Variants in MBD5 observed in about 807,000 individuals in gnomAD.
MBD5 encodes methyl-CpG binding domain protein 5, also known as methyl-CpG-binding domain protein 5.
MBD5 carries 13 observed loss-of-function variants against 117.3 expected under a neutral mutation model. The ratio of observed to expected loss-of-function variants is 0.11; its 90% CI spans 0.07 to 0.18. MBD5 has a LOEUF of 0.18. Ranked by LOEUF, MBD5 falls within the 10% of genes least tolerant of loss-of-function variation. The pLI is 1.00. For missense variants in MBD5, 1,879 were observed against 2,093.8 expected (o/e 0.90, Z 2.00); for synonymous variants, 727 against 766.4 (o/e 0.95, Z 0.85).
chr2:148,271,758 C>T (rs1700992310), intron 3 of MBD5, among the ~76,000 whole-genome samples: 1 of 150,582 alleles, frequency 6.6e-6, no homozygotes, highest in South Asian at 2.1e-4. Flanking sequence ...TTAGCATATG[C>T]ATTACCTCCA....
At chr2:148,131,789 T>G (rs1421123164) in intron 1 of MBD5, among the ~76,000 whole-genome samples, 1 of 152,228 alleles carries the variant, frequency 6.6e-6, no homozygotes, top group Non-Finnish European at 1.5e-5. Context: ...AAATGGTAAA[T>G]AGAGTGCTAT....
In MBD5 at chr2:148,470,064, T is replaced by A; in HGVS notation, c.2121T>A (p.Ser707=). Reference sequence around the variant, plus strand: ...GTTCAATGTCTCAGTTACTACAGTCTATGAGTTGTCAAAGCTCTCACTTGA... The same window carrying A: ...GTTCAATGTCTCAGTTACTACAGTCAATGAGTTGTCAAAGCTCTCACTTGA... ...PISSMSQLLQ[S]MSCQSSHLSS... is the part of the protein sequence containing the mutation. Residue 707 remains serine, a synonymous_variant, in exon 8 of 14, where the codon TCT becomes TCA. Transcript: ENST00000642680. The A allele has an allele frequency of 6.2e-7, 1 of 1,613,912 alleles. No homozygotes were observed. Among genetic ancestry groups the A allele is most frequent in the Non-Finnish European group, 8.5e-7 (1 of 1,179,894 alleles).
intron 1 of MBD5, among the ~76,000 whole-genome samples, chr2:148,094,104 T>A (rs910741724): frequency 2.0e-5 from 3 of 152,200 alleles, no homozygotes; most frequent in African/African-American, 7.2e-5. Context: ...TCTGACTTTT[T>A]TTAACTGCCC....
In MBD5 at chr2:148,405,758, T is replaced by C. The variant is rs946240747; in HGVS notation, c.-556-52445T>C. Among the ~76,000 whole-genome samples the C allele has an allele frequency of 3.3e-5, 5 of 152,188 alleles. No homozygotes were observed. The East Asian group carries it at 5.8e-4, about 18-fold the overall frequency. On this transcript the variant is annotated intron_variant, in intron 4 of 13. Coordinates refer to ENST00000642680, the MANE Select transcript of MBD5 (RefSeq NM_001378120.1). The stretch of plus-strand genomic sequence containing the variant: ...GTACAGCTATCTCTTTAGGCTTGTA[T>C]GTTCAGAGAGTCCTTTTTAAAAAAA...
At chr2:148,155,458 G>A (rs1489368728) in intron 1 of MBD5, among the ~76,000 whole-genome samples, 1 of 152,138 alleles carries the variant, frequency 6.6e-6, no homozygotes, top group Non-Finnish European at 1.5e-5. Flanking sequence ...TAAAAATTGG[G>A]AACTGTCCTT....
intron 4 of MBD5, among the ~76,000 whole-genome samples, chr2:148,375,313 G>A (rs73015167): frequency 0.19 from 28,468 of 152,138 alleles, 2,910 homozygotes; most frequent in African/African-American, 0.25. Context: ...ACATGTTAAA[G>A]TTATCTCTGA....
intron 4 of MBD5, among the ~76,000 whole-genome samples, chr2:148,360,327 A>G (rs927179158): frequency 1.3e-5 from 2 of 152,082 alleles, no homozygotes; most frequent in African/African-American, 4.8e-5. Context: ...TTAACAACAC[A>G]TTTATTTTTA....
intron 3 of MBD5, among the ~76,000 whole-genome samples, chr2:148,315,685 C>T (rs1265263771): frequency 6.6e-6 from 1 of 152,152 alleles, no homozygotes; most frequent in Non-Finnish European, 1.5e-5. Flanking sequence ...CTGATAAATC[C>T]ATTCCTCTAC....
At position 148,099,086 on chromosome 2, in the gene MBD5, C is replaced by A. The variant is rs144466269; in HGVS notation, c.-925+77402C>A. 7.4e-3 allele frequency among the ~76,000 whole-genome samples: 1,130 copies of A among 151,902 alleles called. 12 individuals are homozygous for A. The highest frequency in any genetic ancestry group is 0.025 in the African/African-American group (1,048 of 41,434). Reference sequence around the variant, plus strand: ...TAAAAATAATAAGACAAAGATAATACAAAAAAGACTAATGAGAAGTGGCCA... The same window carrying A: ...TAAAAATAATAAGACAAAGATAATAAAAAAAAGACTAATGAGAAGTGGCCA... On this transcript the variant is annotated intron_variant, in intron 1 of 13. Transcript: ENST00000642680.
chr2:148,424,212 A>C (rs1241056436), intron 4 of MBD5, among the ~76,000 whole-genome samples: 21 of 147,498 alleles, frequency 1.4e-4, no homozygotes, highest in Admixed American at 6.1e-4. Flanking sequence ...AAAAAAAAAA[A>C]AAAACAGCAG....
chr2:148,502,946 AT>A (rs556718150), intron 12 of MBD5: 2 of 192,010 alleles, frequency 1.0e-5, no homozygotes, highest in Non-Finnish European at 2.2e-5. Flanking sequence ...CTAAATAAAG[AT>A]TTTTTTTGTT....
rs533391916 is a variant in MBD5 at position 148,417,100 on chromosome 2, C to T, written c.-556-41103C>T. On this transcript the variant is annotated intron_variant, in intron 4 of 13. Coordinates refer to ENST00000642680, the MANE Select transcript of MBD5 (RefSeq NM_001378120.1). ...TGTAAATTCTTCTTCTGTAAACATA[C>T]ATGTGCAGGTATCTTCTTGACATAA... Among the ~76,000 whole-genome samples, 14 of 152,048 alleles carry T rather than the reference C, an allele frequency of 9.2e-5. No homozygotes were observed. The South Asian group carries it at 1.0e-3, about 11-fold the overall frequency.
intron 5 of MBD5, chr2:148,460,315 C>T (rs926238436): frequency 1.3e-5 from 2 of 152,050 alleles, no homozygotes; most frequent in Admixed American, 6.6e-5. Flanking sequence ...GTATCTTGTT[C>T]ATGATTTTCT....
At chr2:148,204,112 T>A (rs1312049944) in intron 2 of MBD5, among the ~76,000 whole-genome samples, 1 of 152,124 alleles carries the variant, frequency 6.6e-6, no homozygotes, top group Non-Finnish European at 1.5e-5. Flanking sequence ...AGCAATCACC[T>A]TTGTTGGAAA....
intron 1 of MBD5, among the ~76,000 whole-genome samples, chr2:148,049,876 T>C (rs1233531395): frequency 6.6e-6 from 1 of 152,216 alleles, no homozygotes; most frequent in Non-Finnish European, 1.5e-5. Context: ...TATGCTAATG[T>C]GCATCAGTAC....
At chr2:148,066,326 T>C (rs915098686) in intron 1 of MBD5, among the ~76,000 whole-genome samples, 1 of 151,852 alleles carries the variant, frequency 6.6e-6, no homozygotes, top group African/African-American at 2.4e-5. Flanking sequence ...AGTCAGTCAA[T>C]CAATCAATAA....
intron 1 of MBD5, among the ~76,000 whole-genome samples, chr2:148,152,971 A>G (rs1002696143): frequency 8.6e-5 from 13 of 150,730 alleles, no homozygotes; most frequent in Non-Finnish European, 1.5e-4. Flanking sequence ...TGTGAATTTG[A>G]TCCTGTCATT....
At chr2:148,392,815 C>T (rs921074947) in intron 4 of MBD5, among the ~76,000 whole-genome samples, 7 of 152,080 alleles carry the variant, frequency 4.6e-5, no homozygotes, top group Admixed American at 4.6e-4. Context: ...TTCATAAAAT[C>T]GGACCCATTC....
chr2:148,354,874 C>T (rs972069199), intron 4 of MBD5, among the ~76,000 whole-genome samples: 3 of 151,860 alleles, frequency 2.0e-5, no homozygotes, highest in Middle Eastern at 3.4e-3. Flanking sequence ...TTTTTTCATA[C>T]GTTTGTTGGC....
Sources: allele counts gnomAD v4.1 joint callset (sites outside exome capture counted in the v4.1 genomes callset), GRCh38; gene constraint gnomAD v4.1.1; transcripts MANE v1.5; gene names NCBI Gene and HGNC (gene_info 2026-07-23, HGNC 2026-07-21).